SPAG16: variants seen among roughly 807,000 people sequenced by gnomAD.
SPAG16 encodes sperm associated antigen 16, also known as sperm-associated antigen 16 protein.
Under a neutral mutation model 80.4 loss-of-function variants are expected in SPAG16, and 86 were observed. The observed-to-expected ratio is 1.07, with a 90% confidence interval of 0.90 to 1.28. SPAG16 has a LOEUF of 1.28. Ranked by LOEUF, SPAG16 falls within the 50% of genes most tolerant of loss-of-function variation. The pLI, the probability that SPAG16 is intolerant of heterozygous loss-of-function variation, is 0.00. For synonymous variants in SPAG16, 294 were observed against 265.9 expected (o/e 1.11, Z -1.03); for missense variants, 870 against 765.3 (o/e 1.14, Z -1.61).
chr2:213,672,696 T>A, intron 10 of SPAG16, among the ~76,000 whole-genome samples: 1 of 152,288 alleles, frequency 6.6e-6, no homozygotes, highest in Non-Finnish European at 1.5e-5. Flanking sequence ...TTTATAATAT[T>A]TATATGGGTA....
chr2:213,469,659 G>C (rs1163976579), intron 9 of SPAG16, among the ~76,000 whole-genome samples: 2 of 150,720 alleles, frequency 1.3e-5, no homozygotes, highest in Admixed American at 1.3e-4. Context: ...TCCCACCTGG[G>C]TTGGGGTGTT....
chr2:213,999,398 T>G (rs1001944985), intron 12 of SPAG16, among the ~76,000 whole-genome samples: 8 of 152,114 alleles, frequency 5.3e-5, no homozygotes, highest in African/African-American at 1.9e-4. Context: ...TAAACAGAAG[T>G]CAAGAACTGG....
intron 14 of SPAG16, among the ~76,000 whole-genome samples, chr2:214,125,773 T>A (rs2216485): frequency 0.96 from 146,256 of 151,760 alleles, 70,629 homozygotes; most frequent in Non-Finnish European, 0.99. Flanking sequence ...AAGACAGGTT[T>A]ACAAGGGAAA....
chr2:213,439,664 G>A (rs1223684185), intron 9 of SPAG16, among the ~76,000 whole-genome samples: 1 of 152,196 alleles, frequency 6.6e-6, no homozygotes, highest in African/African-American at 2.4e-5. Context: ...AAAAAGGAAT[G>A]AAGTCTGCAT....
At chr2:213,382,337 T>G (rs1367440415) in intron 9 of SPAG16, among the ~76,000 whole-genome samples, 1 of 152,250 alleles carries the variant, frequency 6.6e-6, no homozygotes, top group African/African-American at 2.4e-5. Context: ...AAGTCCTCAG[T>G]ATCTGTCAGA....
At chr2:213,911,026 G>C (rs548413319) in intron 11 of SPAG16, among the ~76,000 whole-genome samples, 1 of 152,058 alleles carries the variant, frequency 6.6e-6, no homozygotes, top group East Asian at 1.9e-4. Flanking sequence ...GAGTCCTCCT[G>C]TTCCACCCCC....
At chr2:213,968,802 A>G (rs1339584067) in intron 12 of SPAG16, among the ~76,000 whole-genome samples, 1 of 152,248 alleles carries the variant, frequency 6.6e-6, no homozygotes, top group Non-Finnish European at 1.5e-5. Flanking sequence ...TGATAAAAAC[A>G]TGAAGTAATG....
At chr2:213,333,472 T>A (rs1002707701) in intron 5 of SPAG16, among the ~76,000 whole-genome samples, 34 of 152,086 alleles carry the variant, frequency 2.2e-4, no homozygotes, top group Admixed American at 2.0e-4. Flanking sequence ...AAAATACCCA[T>A]GAGATTCTTC....
chr2:213,414,670 C>T (rs1456905045), intron 9 of SPAG16, among the ~76,000 whole-genome samples: 1 of 152,184 alleles, frequency 6.6e-6, no homozygotes, highest in African/African-American at 2.4e-5. Flanking sequence ...TTGTGACATA[C>T]TGCTAATGCA....
At chr2:213,966,048 T>C (rs556972275) in intron 12 of SPAG16, among the ~76,000 whole-genome samples, 122 of 152,318 alleles carry the variant, frequency 8.0e-4, no homozygotes, top group Non-Finnish European at 1.2e-3. Flanking sequence ...CTGAGATCTG[T>C]TAGCATTAGA....
chr2:213,346,444 A>C lies in SPAG16; in HGVS notation c.645-4084A>C, dbSNP rs543434033. 1.4e-3 allele frequency among the ~76,000 whole-genome samples: 217 copies of C among 152,336 alleles called. 3 individuals carry two copies. The highest frequency in any genetic ancestry group is 5.3e-4 in the Non-Finnish European group (36 of 68,034). On this transcript the variant is annotated intron_variant, in intron 6 of 15. Transcript: ENST00000331683. ...CTGAATAGGAGTGATGAGGCAGGAC[A>C]TCCCTGTCTTGTGCCAGTTTTCAAA... is the stretch of plus-strand genomic sequence containing the variant.
chr2:213,793,909 T>C (rs1559474055), intron 10 of SPAG16, among the ~76,000 whole-genome samples: 1 of 152,190 alleles, frequency 6.6e-6, no homozygotes, highest in Non-Finnish European at 1.5e-5. Flanking sequence ...GGATTATGAA[T>C]ATATATTGCT....
intron 11 of SPAG16, among the ~76,000 whole-genome samples, chr2:213,878,516 G>T (rs978525822): frequency 2.6e-5 from 4 of 151,954 alleles, no homozygotes; most frequent in Non-Finnish European, 5.9e-5. Flanking sequence ...TTTTGTTATT[G>T]CGGAGTTTTT....
At chr2:213,442,163 C>T (rs542775630) in intron 9 of SPAG16, among the ~76,000 whole-genome samples, 6 of 146,292 alleles carry the variant, frequency 4.1e-5, no homozygotes, top group South Asian at 2.1e-4. Flanking sequence ...ACAAACAAAC[C>T]GAAACCACTA....
chr2:213,396,005 C>T (rs2068014521), intron 9 of SPAG16, among the ~76,000 whole-genome samples: 1 of 148,102 alleles, frequency 6.8e-6, no homozygotes. Flanking sequence ...TCCATGCATA[C>T]ATGAGTTTGC....
chr2:214,199,796 T>A (rs571037966), intron 15 of SPAG16, among the ~76,000 whole-genome samples: 4 of 152,202 alleles, frequency 2.6e-5, no homozygotes, highest in Non-Finnish European at 5.9e-5. Flanking sequence ...TTTGTAATTT[T>A]CCTTGTACAG....
intron 12 of SPAG16, among the ~76,000 whole-genome samples, chr2:213,972,027 T>C (rs1289563291): frequency 6.6e-6 from 1 of 151,852 alleles, no homozygotes; most frequent in East Asian, 1.9e-4. Flanking sequence ...ATACAATGTA[T>C]AATTATCACA....
intron 15 of SPAG16, among the ~76,000 whole-genome samples, chr2:214,224,853 C>T (rs2058664768): frequency 6.6e-6 from 1 of 152,044 alleles, no homozygotes; most frequent in Admixed American, 6.6e-5. Context: ...TAGAACTGTC[C>T]CTGACCTCAT....
intron 12 of SPAG16, among the ~76,000 whole-genome samples, chr2:213,946,969 CT>C (rs796131283): frequency 2.0e-5 from 3 of 150,914 alleles, no homozygotes; most frequent in South Asian, 2.1e-4. Context: ...CTGAAGTTTG[CT>C]TTTTTTTTCA....
Sources: gnomAD v4.1 joint callset for allele counts (sites outside exome capture counted in the v4.1 genomes callset) on GRCh38, gnomAD v4.1.1 for gene constraint, MANE v1.5 for transcripts, NCBI Gene and HGNC (gene_info 2026-07-23, HGNC 2026-07-21) for gene names.